Variants in ADGRV1 observed in about 807,000 individuals in gnomAD.
ADGRV1 encodes the protein adhesion G protein-coupled receptor V1, also known as G-protein coupled receptor 98.
A neutral mutation model predicts 596.2 loss-of-function variants in ADGRV1; 359 were observed. That is an observed-to-expected ratio of 0.60 (90% confidence interval 0.55 to 0.66). The LOEUF is 0.66. Ranked by LOEUF, ADGRV1 falls within the 30% of genes least tolerant of loss-of-function variation. ADGRV1 has a pLI of 0.00. For synonymous variants in ADGRV1, 2,681 were observed against 2,679.2 expected, an observed-to-expected ratio of 1.00 and a Z score of -0.02; for missense variants, 7,274 against 7,575.6, an observed-to-expected ratio of 0.96 and a Z score of 1.48.
chr5:90,728,776 T>C lies in ADGRV1; in HGVS notation c.10269T>C (p.Ile3423=), dbSNP rs776829043. 5 of 1,613,962 alleles carry C rather than the reference T, an allele frequency of 3.1e-6. No individual in the cohort carries two copies. The highest frequency in any genetic ancestry group is 4.2e-6 in the Non-Finnish European group (5 of 1,179,844). ...FNKGGSVFLA[I]SQANARLNSL... ...AGGGAGGCTCTGTGTTCTTAGCCAT[T>C]TCCCAGGCTAATGCCAGGCTAAACT... is the stretch of plus-strand genomic sequence containing the variant. The change falls in exon 49 of 90, where the codon ATT becomes ATC. Residue 3423 remains isoleucine, a synonymous_variant. Transcript: ENST00000405460.
chr5:90,687,393 G>A (rs1326624975), intron 29 of ADGRV1, among the ~76,000 whole-genome samples: 5 of 152,112 alleles, frequency 3.3e-5, no homozygotes, highest in Non-Finnish European at 7.3e-5. Context: ...GTTGTATAAG[G>A]TGTAAGGAAG....
At position 90,603,915 on chromosome 5, in the gene ADGRV1, C is replaced by G. The variant is rs560229142; in HGVS notation, c.23-10920C>G. Among the ~76,000 whole-genome samples, 3 of 138,694 alleles carry G rather than the reference C, an allele frequency of 2.2e-5. No individual in the cohort carries two copies. The South Asian group carries it at 7.8e-4, about 36-fold the overall frequency. The allele number at this position is 138,694 out of a possible 152,430, so 91.0% of individuals were successfully genotyped here. A position where few individuals can be genotyped will look rare whatever the true frequency, so the allele number is the denominator to read the frequency against. ...GCCTGCACACACGTGTGTGCAGGCACGTACACACACATGCACGCTCACCAC... is the reference window on the plus strand; with the variant it reads ...GCCTGCACACACGTGTGTGCAGGCAGGTACACACACATGCACGCTCACCAC... On this transcript the variant is annotated intron_variant, in intron 1 of 89. Coordinates refer to ENST00000405460, the MANE Select transcript of ADGRV1 (RefSeq NM_032119.4).
In ADGRV1 at chr5:90,646,180, A is replaced by G. The variant is rs186264652; in HGVS notation, c.3022+89A>G. 8.5e-6 allele frequency: 7 copies of G among 827,556 alleles called. No individual in the cohort carries two copies. In the South Asian group the frequency reaches 1.2e-4, roughly 15 times the overall value. 51.3% of individuals were successfully genotyped at this position (827,556 alleles called of 1,614,324 possible). A position where few individuals can be genotyped will look rare whatever the true frequency, so the allele number is the denominator to read the frequency against. The stretch of plus-strand genomic sequence containing the variant: ...TATGCACGTGCATATATACATTTAT[A>G]TGCACGTGCGTATATACATTTATAT... On this transcript the variant is annotated intron_variant, in intron 16 of 89. Coordinates refer to ENST00000405460, the MANE Select transcript of ADGRV1 (RefSeq NM_032119.4).
chr5:90,678,044 T>G (rs1744468444), intron 25 of ADGRV1, among the ~76,000 whole-genome samples: 2 of 152,226 alleles, frequency 1.3e-5, no homozygotes, highest in South Asian at 4.1e-4. Flanking sequence ...TTCTTTTTTA[T>G]GACTTCTGGA....
At chr5:90,709,910 T>G (rs1749111915) in intron 39 of ADGRV1, among the ~76,000 whole-genome samples, 2 of 152,230 alleles carry the variant, frequency 1.3e-5, no homozygotes, top group Non-Finnish European at 2.9e-5. Flanking sequence ...TCAAGTGCTT[T>G]GTAGATTAGT....
chr5:90,853,814 T>A (rs548305999), intron 80 of ADGRV1, among the ~76,000 whole-genome samples: 5 of 152,338 alleles, frequency 3.3e-5, no homozygotes, highest in African/African-American at 1.2e-4. Flanking sequence ...TAACTTTTAA[T>A]GAAGTCATCC....
At chr5:90,843,559 G>T (rs1467826371) in intron 78 of ADGRV1, among the ~76,000 whole-genome samples, 10 of 152,190 alleles carry the variant, frequency 6.6e-5, no homozygotes. Context: ...GAAAGTAGCA[G>T]AAAACGTGGA....
intron 82 of ADGRV1, among the ~76,000 whole-genome samples, chr5:90,862,963 A>G (rs1271306531): frequency 1.3e-5 from 2 of 152,346 alleles, no homozygotes; most frequent in East Asian, 1.9e-4. Flanking sequence ...AGGCATTGAT[A>G]TAACTAAACG....
In ADGRV1 at chr5:90,627,622, T is replaced by G; in HGVS notation, c.1084T>G (p.Leu362Val). 6.2e-7 allele frequency: 1 copy of G among 1,613,926 alleles called. No individual in the cohort carries two copies. ...GATTGCTGAATCGTTTCACATTATG[T>G]TACTAAAAGATACCTTACAGGGAGA... is the stretch of plus-strand genomic sequence containing the variant. Reference protein sequence around the residue: ...PEIAESFHIMLLKDTLQGDAV... With the variant: ...PEIAESFHIMVLKDTLQGDAV... Residue 362 changes from leucine (L) to valine (V), a missense_variant, in exon 7 of 90, where the codon TTA becomes GTA. Transcript: ENST00000405460.
intron 86 of ADGRV1, among the ~76,000 whole-genome samples, chr5:91,077,326 G>A (rs1344268752): frequency 6.6e-6 from 1 of 152,130 alleles, no homozygotes; most frequent in Non-Finnish European, 1.5e-5. Flanking sequence ...CTGTAGAACT[G>A]AGCTCCAAGC....
In ADGRV1 at chr5:90,616,664, G is replaced by A. The variant is rs567012235; in HGVS notation, c.208-1140G>A. Among the ~76,000 whole-genome samples, 307 of 152,152 alleles carry A rather than the reference G, an allele frequency of 2.0e-3. 1 individual carries two copies. The highest frequency in any genetic ancestry group is 3.3e-3 in the Non-Finnish European group (225 of 67,972). ...ATACAATGTGTAATGATCAAATTAGGGGAATTGGGGAATATCCCCAATGAT... is the reference window on the plus strand; with the variant it reads ...ATACAATGTGTAATGATCAAATTAGAGGAATTGGGGAATATCCCCAATGAT... On this transcript the variant is annotated intron_variant, in intron 2 of 89. Coordinates refer to ENST00000405460, the MANE Select transcript of ADGRV1 (RefSeq NM_032119.4).
intron 45 of ADGRV1, among the ~76,000 whole-genome samples, chr5:90,723,576 CAT>C (rs1751370517): frequency 6.6e-6 from 1 of 152,102 alleles, no homozygotes. Context: ...AGGATTTGTC[CAT>C]ATGTCAGGAC....
Position 90,625,132 on chromosome 5 carries a change from A to T in ADGRV1, c.561A>T (p.Val187=). 1 of 1,597,948 alleles carries T rather than the reference A, an allele frequency of 6.3e-7. No homozygotes were observed. The highest frequency in any genetic ancestry group is 1.1e-5 in the South Asian group (1 of 89,898). Residue 187 remains valine, a splice_region_variant and synonymous_variant, in exon 6 of 90, where the codon GTA becomes GTT. Transcript: ENST00000405460. ...TYGMVMVTFE[V]EGGPNPPDED... ...TGGCATTTTGTGTTTCTTTGCAGGT[A>T]GAGGGTGGCCCAAATCCCCCTGATG...
intron 85 of ADGRV1, among the ~76,000 whole-genome samples, chr5:91,061,260 A>G (rs2151354683): frequency 6.6e-6 from 1 of 152,336 alleles, no homozygotes; most frequent in Non-Finnish European, 1.5e-5. Context: ...TTCTGATGAA[A>G]TGCTGATGGG....
chr5:90,711,371 T>A (rs1428240155), intron 41 of ADGRV1, 49 bp downstream of exon 41: 1 of 1,446,276 alleles, frequency 6.9e-7, no homozygotes, highest in African/African-American at 1.4e-5. Context: ...TATTTTATAA[T>A]CATTATTCCT....
Position 90,795,279 on chromosome 5 carries a change from G to C in ADGRV1, c.14517+3933G>C, listed in dbSNP as rs1760568780. ...AATTCTCGCTGCCAGCACAGCAGCA[G>C]TCTGAGATTGACCTGGGACGCTCCA... On this transcript the variant is annotated intron_variant, in intron 70 of 89. Transcript: ENST00000405460. Among the ~76,000 whole-genome samples the C allele has an allele frequency of 3.9e-5, 6 of 152,244 alleles. No homozygotes were observed. The South Asian group carries it at 1.2e-3, about 32-fold the overall frequency.
intron 1 of ADGRV1, among the ~76,000 whole-genome samples, chr5:90,578,040 C>G (rs1449401474): frequency 2.0e-5 from 3 of 152,182 alleles, no homozygotes; most frequent in Admixed American, 2.0e-4. Context: ...TCTAAATATA[C>G]AATCATGTCA....
At chr5:90,680,358 G>GA (rs796497945) in intron 26 of ADGRV1, among the ~76,000 whole-genome samples, 44 of 112,658 alleles carry the variant, frequency 3.9e-4, no homozygotes, top group South Asian at 1.7e-3. Context: ...CTGTATCAAA[G>GA]AAAAAAAAAA....
chr5:90,985,254 G>C, intron 84 of ADGRV1, 90 bp from the exon 85 acceptor site: 1 of 791,774 alleles, frequency 1.3e-6, no homozygotes, highest in South Asian at 3.7e-5. Flanking sequence ...CTGGCCTTTT[G>C]TTGGTCGGTA....
Sources: gnomAD v4.1 joint callset for allele counts (sites outside exome capture counted in the v4.1 genomes callset) on GRCh38, gnomAD v4.1.1 for gene constraint, MANE v1.5 for transcripts, NCBI Gene and HGNC (gene_info 2026-07-23, HGNC 2026-07-21) for gene names.